Variants in TMPRSS15 observed in about 807,000 individuals in gnomAD.
TMPRSS15 encodes enteropeptidase.
Under a neutral mutation model 125.3 loss-of-function variants are expected in TMPRSS15, and 128 were observed. The ratio of observed to expected loss-of-function variants is 1.02; its 90% CI spans 0.89 to 1.18. The LOEUF is 1.18. TMPRSS15 is among the 50% of genes most tolerant of loss of function. The pLI is 0.00. For missense variants in TMPRSS15, 1,283 were observed against 1,212.7 expected, an observed-to-expected ratio of 1.06 and a Z score of -0.86; for synonymous variants, 446 against 423.2, an observed-to-expected ratio of 1.05 and a Z score of -0.66.
intron 13 of TMPRSS15, among the ~76,000 whole-genome samples, chr21:18,336,833 G>T (rs1394702599): frequency 6.6e-6 from 1 of 152,062 alleles, no homozygotes; most frequent in African/African-American, 2.4e-5. Context: ...ACTGTGCCTG[G>T]CTCAGGCTAT....
chr21:18,332,281 G>C (rs1027342919), intron 13 of TMPRSS15, 108 bp from the exon 14 acceptor site: 1 of 1,047,386 alleles, frequency 9.5e-7, no homozygotes, highest in Admixed American at 1.8e-5. Flanking sequence ...TACAAATTTT[G>C]GCAAGTAAAT....
At chr21:18,471,276 T>G (rs534076088) in intron 1 of TMPRSS15, among the ~76,000 whole-genome samples, 2 of 152,272 alleles carry the variant, frequency 1.3e-5, no homozygotes, top group Non-Finnish European at 2.9e-5. Flanking sequence ...ATTTTTTCTA[T>G]CAATAGTATG....
intron 1 of TMPRSS15, among the ~76,000 whole-genome samples, chr21:18,475,496 G>A (rs1000700878): frequency 3.3e-5 from 5 of 152,092 alleles, no homozygotes; most frequent in Non-Finnish European, 7.4e-5. Flanking sequence ...GTAGTCCGAG[G>A]TGGGAGGATC....
At chr21:18,439,730 A>G (rs2123229775) in intron 1 of TMPRSS15, among the ~76,000 whole-genome samples, 1 of 151,998 alleles carries the variant, frequency 6.6e-6, no homozygotes, top group Non-Finnish European at 1.5e-5. Context: ...TTATGGATGG[A>G]AAAAAAAGAG....
intron 1 of TMPRSS15, among the ~76,000 whole-genome samples, chr21:18,453,411 C>T (rs1978379669): frequency 6.6e-6 from 1 of 152,176 alleles, no homozygotes; most frequent in Non-Finnish European, 1.5e-5. Flanking sequence ...CATGCATGCA[C>T]ATGTGCATAT....
chr21:18,436,730 C>T (rs1436494622), intron 1 of TMPRSS15, among the ~76,000 whole-genome samples: 1 of 149,056 alleles, frequency 6.7e-6, no homozygotes, highest in East Asian at 2.0e-4. Context: ...ATCCACCTTA[C>T]AAGGGACGTG....
Position 18,375,498 on chromosome 21 carries a change from G to A in TMPRSS15, c.533-3174C>T, listed in dbSNP as rs74347880. 7.7e-4 allele frequency among the ~76,000 whole-genome samples: 117 copies of A among 152,236 alleles called. 2 individuals carry two copies. In the East Asian group the frequency reaches 0.019, roughly 25 times the overall value. On this transcript the variant is annotated intron_variant, in intron 5 of 24. Transcript: ENST00000284885. ...CCAACAGAAAATTTTTAGGAAAGGA[G>A]TTTATCAATTCTAGTTAAAGAAAAG...
In TMPRSS15 at chr21:18,313,013, C is replaced by G; in HGVS notation, c.2097G>C (p.Trp699Cys). The G allele has an allele frequency of 6.2e-7, 1 of 1,613,974 alleles. No homozygotes were observed. Among genetic ancestry groups the G allele is most frequent in the Non-Finnish European group, 8.5e-7 (1 of 1,179,954 alleles). Residue 699 changes from tryptophan to cysteine, a missense_variant, in exon 18 of 25, where the codon TGG (tryptophan) becomes TGC (cysteine). Coordinates refer to ENST00000284885, the MANE Select transcript of TMPRSS15 (RefSeq NM_002772.3). ...TCCAGTTCTCAGCACAAGCTGTATGCCATATGCTCTGGATTCTGAACCGCA... is the reference window on the plus strand; with the variant it reads ...TCCAGTTCTCAGCACAAGCTGTATGGCATATGCTCTGGATTCTGAACCGCA... ...GLVRFRIQSI[W>C]HTACAENWTT... is the part of the protein sequence containing the mutation.
intron 18 of TMPRSS15, among the ~76,000 whole-genome samples, chr21:18,307,570 C>G (rs2075050874): frequency 6.6e-6 from 1 of 152,106 alleles, no homozygotes; most frequent in Admixed American, 6.5e-5. Context: ...ATGTGTCTAT[C>G]ATCACCACAT....
At chr21:18,275,865 C>G (rs1405159808) in intron 23 of TMPRSS15, among the ~76,000 whole-genome samples, 1 of 152,054 alleles carries the variant, frequency 6.6e-6, no homozygotes, top group Non-Finnish European at 1.5e-5. Flanking sequence ...CATGCATACC[C>G]AGGTGAAGAG....
chr21:18,366,875 T>C (rs181663343), intron 6 of TMPRSS15, among the ~76,000 whole-genome samples: 402 of 152,222 alleles, frequency 2.6e-3, no homozygotes, highest in Non-Finnish European at 3.6e-3. Context: ...AAGCTCATCG[T>C]AAAATTATAA....
chr21:18,372,827 A>G (rs1218934701), intron 5 of TMPRSS15, among the ~76,000 whole-genome samples: 2 of 152,230 alleles, frequency 1.3e-5, no homozygotes, highest in Admixed American at 1.3e-4. Context: ...GGTATCCGAA[A>G]AACTTGCACC....
chr21:18,441,405 G>C (rs143050496), intron 1 of TMPRSS15, among the ~76,000 whole-genome samples: 466 of 151,926 alleles, frequency 3.1e-3, no homozygotes, highest in African/African-American at 0.01. Context: ...AGGAGATCAA[G>C]ACCTTCCTGG....
rs61425148 is a variant in TMPRSS15 at position 18,472,480 on chromosome 21, T to TACAC, written c.10+13315_10+13318dup. 8.3e-4 allele frequency among the ~76,000 whole-genome samples: 93 copies of TACAC among 112,346 alleles called. 2 individuals are homozygous for TACAC. The highest frequency in any genetic ancestry group is 2.7e-3 in the African/African-American group (88 of 32,490). The allele number at this position is 112,346 out of a possible 152,430, so 73.7% of individuals were successfully genotyped here. On this transcript the variant is annotated intron_variant, in intron 1 of 7. Transcript: ENST00000422787. Reference sequence around the variant, plus strand: ...TTATATATATATATATATATATATATACACACACACACACATACACACACA... The same window carrying TACAC: ...TTATATATATATATATATATATATATACACACACACACACACACATACACACACA...
chr21:18,322,769 A>G (rs1713917082), intron 16 of TMPRSS15, among the ~76,000 whole-genome samples: 1 of 152,176 alleles, frequency 6.6e-6, no homozygotes, highest in Non-Finnish European at 1.5e-5. Context: ...ATGGGTACCA[A>G]AATAGAGTTA....
At chr21:18,330,935 T>C (rs13049874) in intron 14 of TMPRSS15, among the ~76,000 whole-genome samples, 1 of 151,802 alleles carries the variant, frequency 6.6e-6, no homozygotes, top group Non-Finnish European at 1.5e-5. Context: ...TAGCGGGGCC[T>C]GGTGGCGGGC....
chr21:18,292,344 C>T (rs1252753745), intron 21 of TMPRSS15, among the ~76,000 whole-genome samples: 1 of 152,144 alleles, frequency 6.6e-6, no homozygotes, highest in African/African-American at 2.4e-5. Flanking sequence ...GATCTTTTTG[C>T]ACTGCACTCT....
chr21:18,382,765 G>A (rs1383178350), intron 4 of TMPRSS15, among the ~76,000 whole-genome samples: 1 of 152,054 alleles, frequency 6.6e-6, no homozygotes, highest in East Asian at 1.9e-4. Context: ...GATTGAATCT[G>A]GATGACCTTG....
At chr21:18,408,636 AT>A (rs2076158419), upstream of TMPRSS15, among the ~76,000 whole-genome samples, 1 of 152,084 alleles carries the variant, frequency 6.6e-6, no homozygotes, top group South Asian at 2.1e-4. Context: ...TAATTGGCAA[AT>A]TCTTTGTATT....
Sources: gnomAD v4.1 joint callset for allele counts (sites outside exome capture counted in the v4.1 genomes callset) on GRCh38, gnomAD v4.1.1 for gene constraint, MANE v1.5 for transcripts, NCBI Gene and HGNC (gene_info 2026-07-23, HGNC 2026-07-21) for gene names.